CACNA2D3: variants seen among roughly 807,000 people sequenced by gnomAD.
CACNA2D3 encodes calcium voltage-gated channel auxiliary subunit alpha2delta 3.
A neutral mutation model predicts 160.6 loss-of-function variants in CACNA2D3; 60 were observed. The ratio of observed to expected loss-of-function variants is 0.37; its 90% confidence interval spans 0.30 to 0.46. CACNA2D3 has a LOEUF of 0.46. Among genes scored for constraint, CACNA2D3 ranks in the 20% least tolerant of loss-of-function variants. The probability of loss-of-function intolerance (pLI) is 1.00; values close to 1 mark genes in which losing one functional copy is unlikely to be tolerated. For synonymous variants in CACNA2D3, 558 were observed against 492.9 expected, an observed-to-expected ratio of 1.13 and a Z score of -1.75; for missense variants, 1,205 against 1,365.0, an observed-to-expected ratio of 0.88 and a Z score of 1.85.
intron 29 of CACNA2D3, among the ~76,000 whole-genome samples, chr3:54,975,352 T>C (rs1242983158): frequency 2.0e-5 from 3 of 151,856 alleles, no homozygotes; most frequent in Admixed American, 1.3e-4. Context: ...AATCCCGTCT[T>C]TACTAAAAAT....
At chr3:54,876,017 A>T (rs1210518897) in intron 18 of CACNA2D3, among the ~76,000 whole-genome samples, 1 of 152,202 alleles carries the variant, frequency 6.6e-6, no homozygotes, top group South Asian at 2.1e-4. Flanking sequence ...ACAGCTGCAC[A>T]TGGGTTTTTT....
intron 4 of CACNA2D3, among the ~76,000 whole-genome samples, chr3:54,494,157 A>G (rs929329423): frequency 1.3e-5 from 2 of 152,236 alleles, no homozygotes; most frequent in Non-Finnish European, 2.9e-5. Flanking sequence ...TGACATGGGG[A>G]ACAAGGATTC....
At chr3:54,503,421 G>T in intron 4 of CACNA2D3, 71 bp from the exon 5 acceptor site, 1 of 1,393,424 alleles carries the variant, frequency 7.2e-7, no homozygotes, top group Non-Finnish European at 1.0e-6. Context: ...CATGGCCTGT[G>T]CCCAGGTCTA....
chr3:54,952,550 C>A (rs977123392), intron 27 of CACNA2D3, among the ~76,000 whole-genome samples: 3 of 152,180 alleles, frequency 2.0e-5, no homozygotes, highest in South Asian at 2.1e-4. Flanking sequence ...GAATGTCAAT[C>A]TTTTCTATAG....
chr3:54,447,912 CAGAA>C (rs1700247379), intron 4 of CACNA2D3, among the ~76,000 whole-genome samples: 1 of 151,946 alleles, frequency 6.6e-6, no homozygotes, highest in African/African-American at 2.4e-5. Flanking sequence ...GAGAGAGTTC[CAGAA>C]AGAACTAACA....
chr3:54,729,281 C>T (rs2107008971), intron 11 of CACNA2D3, among the ~76,000 whole-genome samples: 1 of 152,262 alleles, frequency 6.6e-6, no homozygotes, highest in Middle Eastern at 3.4e-3. Flanking sequence ...GAATATAGGT[C>T]TTTACTCCTT....
At chr3:54,209,600 A>G (rs1198881889) in intron 2 of CACNA2D3, among the ~76,000 whole-genome samples, 2 of 152,210 alleles carry the variant, frequency 1.3e-5, no homozygotes, top group Non-Finnish European at 1.5e-5. Flanking sequence ...AAGGCTTTTA[A>G]CTCTGATGGA....
intron 5 of CACNA2D3, among the ~76,000 whole-genome samples, chr3:54,548,463 C>T (rs1341873268): frequency 2.0e-5 from 3 of 152,216 alleles, no homozygotes; most frequent in African/African-American, 7.2e-5. Flanking sequence ...CTTTATTCTA[C>T]TACCCCATTG....
intron 9 of CACNA2D3, among the ~76,000 whole-genome samples, chr3:54,586,275 A>AAG (rs1272106469): frequency 6.6e-6 from 1 of 151,858 alleles, no homozygotes; most frequent in African/African-American, 2.4e-5. Context: ...AAAAAAAAAA[A>AAG]AAAAAGAAAC....
chr3:54,524,731 T>C (rs1377629296), intron 5 of CACNA2D3, among the ~76,000 whole-genome samples: 1 of 152,152 alleles, frequency 6.6e-6, no homozygotes, highest in African/African-American at 2.4e-5. Context: ...TTTATCATTA[T>C]AAAATATTTC....
intron 10 of CACNA2D3, among the ~76,000 whole-genome samples, chr3:54,631,685 T>C (rs1209481680): frequency 1.3e-5 from 2 of 152,184 alleles, no homozygotes; most frequent in Non-Finnish European, 2.9e-5. Flanking sequence ...ACTTAAAGGC[T>C]TGCAGTTCTT....
chr3:54,646,103 TTTCCTTCCTTCCTTCCTTCCTTTC>T (rs1559537777), intron 11 of CACNA2D3, among the ~76,000 whole-genome samples: 4 of 135,224 alleles, frequency 3.0e-5, no homozygotes, highest in African/African-American at 9.9e-5. Context: ...GTGGGCAGGT[TTTCCTTCCTTCCTTCCTTCCTTTC>T]TTCCTTCCTT....
chr3:54,727,864 A>G (rs139567606), intron 11 of CACNA2D3, among the ~76,000 whole-genome samples: 4 of 152,192 alleles, frequency 2.6e-5, no homozygotes, highest in Non-Finnish European at 5.9e-5. Context: ...CTATGTAACA[A>G]AACTGCATGT....
chr3:54,608,875 A>G (rs546928616), intron 9 of CACNA2D3, among the ~76,000 whole-genome samples: 1 of 152,212 alleles, frequency 6.6e-6, no homozygotes, highest in African/African-American at 2.4e-5. Flanking sequence ...AGGTGAATGG[A>G]CCCCATGACG....
intron 9 of CACNA2D3, among the ~76,000 whole-genome samples, chr3:54,596,732 AC>A (rs1702962164): frequency 6.6e-6 from 1 of 151,882 alleles, no homozygotes; most frequent in East Asian, 1.9e-4. Context: ...TTCACCATGC[AC>A]CTTCTTAAAA....
intron 27 of CACNA2D3, among the ~76,000 whole-genome samples, chr3:54,904,335 A>C (rs916359887): frequency 1.3e-5 from 2 of 152,214 alleles, no homozygotes; most frequent in African/African-American, 4.8e-5. Context: ...TGGTACAAAG[A>C]AATACAGGGA....
At chr3:54,726,268 A>G (rs912179513) in intron 11 of CACNA2D3, among the ~76,000 whole-genome samples, 2 of 152,218 alleles carry the variant, frequency 1.3e-5, no homozygotes, top group African/African-American at 4.8e-5. Context: ...GAGAGGACAC[A>G]AACAAATGGA....
At chr3:54,878,198 A>G (rs191185711) in intron 18 of CACNA2D3, among the ~76,000 whole-genome samples, 4 of 152,276 alleles carry the variant, frequency 2.6e-5, no homozygotes, top group African/African-American at 9.6e-5. Context: ...GAAAAGATGA[A>G]AAAGACAAGA....
chr3:54,957,940 A>T (rs1342955726), intron 27 of CACNA2D3, among the ~76,000 whole-genome samples: 1 of 152,144 alleles, frequency 6.6e-6, no homozygotes, highest in Non-Finnish European at 1.5e-5. Context: ...TGCTCTTGGG[A>T]CAGAGTCCAA....
Sources: gnomAD v4.1 joint callset for allele counts (sites outside exome capture counted in the v4.1 genomes callset) on GRCh38, gnomAD v4.1.1 for gene constraint, MANE v1.5 for transcripts, NCBI Gene and HGNC (gene_info 2026-07-23, HGNC 2026-07-21) for gene names.